Variants in ANOS1 observed in about 807,000 individuals in gnomAD.
ANOS1 encodes anosmin 1, also known as anosmin-1.
In ANOS1, 6 loss-of-function variants were observed where a neutral mutation model predicts 59.0. The observed-to-expected ratio is 0.10, with a 90% CI of 0.06 to 0.20. The LOEUF is 0.20. ANOS1 is among the 10% of genes least tolerant of loss of function. The probability of loss-of-function intolerance (pLI) is 1.00; values close to 1 mark genes in which losing one functional copy is unlikely to be tolerated. For missense variants in ANOS1, 433 were observed against 542.3 expected (o/e 0.80, Z 2.00); for synonymous variants, 217 against 223.4 (o/e 0.97, Z 0.25).
At chrX:8,712,420 A>G (rs1932817743) in intron 1 of ANOS1, among the ~76,000 whole-genome samples, 1 of 112,438 alleles carries the variant, frequency 8.9e-6, no homozygotes. Context: ...GGACATCAAC[A>G]TATGGAGTTA....
chrX:8,634,399 C>T (rs765193070), intron 2 of ANOS1, among the ~76,000 whole-genome samples: 4 of 111,264 alleles, frequency 3.6e-5, no homozygotes, highest in Admixed American at 9.6e-5. Context: ...GGAAAGGTAA[C>T]GACTGGTAAG....
intron 1 of ANOS1, among the ~76,000 whole-genome samples, chrX:8,716,872 C>T (rs1213633249): frequency 8.9e-6 from 1 of 111,755 alleles, no homozygotes; most frequent in Non-Finnish European, 1.9e-5. Flanking sequence ...TAGAGACAGA[C>T]ACAGAGATAG....
chrX:8,584,216 A>T (rs1020718249), intron 6 of ANOS1, among the ~76,000 whole-genome samples: 1 of 111,910 alleles, frequency 8.9e-6, no homozygotes, highest in Non-Finnish European at 1.9e-5. Flanking sequence ...CTCAAGGTGA[A>T]GCATTCTGAG....
chrX:8,599,166 C>T (rs778802471), intron 3 of ANOS1, among the ~76,000 whole-genome samples: 2 of 112,016 alleles, frequency 1.8e-5, no homozygotes, highest in African/African-American at 6.5e-5. Context: ...TGTCAAGCTC[C>T]GTTTGCTACA....
chrX:8,568,135 T>C, intron 8 of ANOS1, 97 bp downstream of exon 8: 2 of 880,166 alleles, frequency 2.3e-6, no homozygotes, highest in South Asian at 4.2e-5. Context: ...ATATAATTAT[T>C]CCAAATCAAA....
intron 2 of ANOS1, among the ~76,000 whole-genome samples, chrX:8,638,333 T>C (rs943035355): frequency 5.3e-5 from 6 of 112,280 alleles, no homozygotes; most frequent in African/African-American, 1.6e-4. Context: ...ACCAATATCA[T>C]TTCTAATCTT....
chrX:8,721,200 T>C (rs1000756423), intron 1 of ANOS1, among the ~76,000 whole-genome samples: 4 of 111,711 alleles, frequency 3.6e-5, no homozygotes, highest in South Asian at 3.8e-4. Flanking sequence ...CAGAAGCCAG[T>C]GAGAAATCCC....
At chrX:8,603,580 T>A (rs138074210) in intron 3 of ANOS1, among the ~76,000 whole-genome samples, 1,710 of 112,381 alleles carry the variant, frequency 0.015, 43 homozygotes, top group African/African-American at 0.052. Context: ...TTTGTTTAGT[T>A]TGGTATAAAA....
Position 8,610,006 on chromosome X carries a change from C to CAAAAAA in ANOS1, c.319-12756_319-12751dup, listed in dbSNP as rs1167209336. ...TGGGCGACAGAGCAAGACTCCATCTCAAAAAAAAAAAAAAAAAAAAAAAAA... is the reference window on the plus strand; with the variant it reads ...TGGGCGACAGAGCAAGACTCCATCTCAAAAAAAAAAAAAAAAAAAAAAAAAAAAAAA... On this transcript the variant is annotated intron_variant, in intron 3 of 13. Coordinates refer to ENST00000262648, the MANE Select transcript of ANOS1 (RefSeq NM_000216.4). 2.4e-3 allele frequency among the ~76,000 whole-genome samples: 22 copies of CAAAAAA among 9,132 alleles called. 1 individual carries two copies. The highest frequency in any genetic ancestry group is 0.018 in the South Asian group (1 of 56). 7.9% of individuals were successfully genotyped at this position (9,132 alleles called of 115,157 possible). A position where few individuals can be genotyped will look rare whatever the true frequency, so the allele number is the denominator to read the frequency against.
chrX:8,539,243 T>G (rs1320285411), intron 10 of ANOS1, among the ~76,000 whole-genome samples: 1 of 111,068 alleles, frequency 9.0e-6, no homozygotes, highest in East Asian at 2.8e-4. Context: ...TGATGGCAGT[T>G]AGGGACATGG....
At chrX:8,619,370 CCA>C (rs1931241736) in intron 3 of ANOS1, among the ~76,000 whole-genome samples, 1 of 111,563 alleles carries the variant, frequency 9.0e-6, no homozygotes, top group Non-Finnish European at 1.9e-5. Flanking sequence ...CTTTGGGAGG[CCA>C]AGGCGGGCGG....
intron 2 of ANOS1, among the ~76,000 whole-genome samples, chrX:8,654,444 C>T (rs781518746): frequency 2.7e-5 from 3 of 112,196 alleles, no homozygotes; most frequent in Non-Finnish European, 5.6e-5. Flanking sequence ...TGTTTTTGAC[C>T]TACTGCTAAA....
chrX:8,694,296 G>T (rs548621991), intron 2 of ANOS1, among the ~76,000 whole-genome samples: 1 of 112,152 alleles, frequency 8.9e-6, no homozygotes, highest in African/African-American at 3.2e-5. Context: ...TAATATATGG[G>T]AAAAAATAGG....
At chrX:8,670,687 T>C (rs1380322435) in intron 2 of ANOS1, among the ~76,000 whole-genome samples, 1 of 111,817 alleles carries the variant, frequency 8.9e-6, no homozygotes, top group African/African-American at 3.3e-5. Flanking sequence ...GTCCTGACTG[T>C]TTCTGGGCCA....
At chrX:8,570,284 G>A (rs1930204934) in intron 7 of ANOS1, among the ~76,000 whole-genome samples, 1 of 111,961 alleles carries the variant, frequency 8.9e-6, no homozygotes, top group African/African-American at 3.2e-5. Context: ...GTAGGTCAAT[G>A]GTCTAAATGC....
At chrX:8,552,842 TA>T (rs1331721346) in intron 9 of ANOS1, among the ~76,000 whole-genome samples, 1 of 109,573 alleles carries the variant, frequency 9.1e-6, no homozygotes, top group Non-Finnish European at 1.9e-5. Context: ...AACTGTAATA[TA>T]GACATAATAT....
chrX:8,653,819 C>T (rs767082780), intron 2 of ANOS1, among the ~76,000 whole-genome samples: 1 of 111,939 alleles, frequency 8.9e-6, no homozygotes, highest in Non-Finnish European at 1.9e-5. Flanking sequence ...TCCATAAAAG[C>T]TTTCAGCACA....
intron 9 of ANOS1, among the ~76,000 whole-genome samples, chrX:8,552,187 G>A (rs982187641): frequency 1.4e-4 from 16 of 112,332 alleles, no homozygotes; most frequent in African/African-American, 4.5e-4. Flanking sequence ...AACTTACAAA[G>A]ATGGAAAATA....
rs756690330 is a variant in ANOS1, at chrX:8,617,035, A to G, written c.318+6573T>C. Among the ~76,000 whole-genome samples, 370 of 112,697 alleles carry G rather than the reference A, an allele frequency of 3.3e-3. 4 individuals carry two copies. The highest frequency in any genetic ancestry group is 0.011 in the African/African-American group (355 of 31,045). On this transcript the variant is annotated intron_variant, in intron 3 of 13. Coordinates refer to ENST00000262648, the MANE Select transcript of ANOS1 (RefSeq NM_000216.4). ...TTTAAAAAGAATAGCAACAAAGTTA[A>G]TCTTTATTTCCCTTTCACAAGTATA... is the stretch of plus-strand genomic sequence containing the variant.
Sources: gnomAD v4.1 joint callset for allele counts (sites outside exome capture counted in the v4.1 genomes callset) on GRCh38, gnomAD v4.1.1 for gene constraint, MANE v1.5 for transcripts, NCBI Gene and HGNC (gene_info 2026-07-23, HGNC 2026-07-21) for gene names.